The following PPP1R12C variants were observed in gnomAD, a reference collection of about 807,000 sequenced individuals.
PPP1R12C encodes the protein protein phosphatase 1 regulatory subunit 12C.
In PPP1R12C, 48 loss-of-function variants were observed where a neutral mutation model predicts 95.6. That is an observed-to-expected ratio of 0.50 (90% confidence interval 0.40 to 0.64). PPP1R12C has a LOEUF of 0.64. Among genes scored for constraint, PPP1R12C ranks in the 30% least tolerant of loss-of-function variants. The pLI, the probability that PPP1R12C is intolerant of heterozygous loss-of-function variation, is 0.00. For synonymous variants in PPP1R12C, 480 were observed against 460.8 expected (o/e 1.04, Z -0.53); for missense variants, 1,057 against 1,083.3 (o/e 0.98, Z 0.34).
Position 55,094,813 on chromosome 19 carries a change from T to G in PPP1R12C, c.1455-15A>C. The G allele has an allele frequency of 6.3e-7, 1 of 1,579,688 alleles. No homozygotes were observed. The highest frequency in any genetic ancestry group is 8.6e-7 in the Non-Finnish European group (1 of 1,166,210). On this transcript the variant is annotated splice_polypyrimidine_tract_variant and intron_variant, in intron 11 of 21. Coordinates refer to ENST00000263433, the MANE Select transcript of PPP1R12C (RefSeq NM_017607.4). ...TGACCTCAGACCTGCATCAATTCAT[T>G]CATTCCACAAACATTACCCAGGTGC...
chr19:55,106,566 G>A (rs558179964), intron 3 of PPP1R12C, among the ~76,000 whole-genome samples: 1 of 152,188 alleles, frequency 6.6e-6, no homozygotes, highest in Non-Finnish European at 1.5e-5. Flanking sequence ...AATTCCAAGT[G>A]AGCTGGCTTC....
At chr19:55,116,451 A>G (rs1211477641) in intron 1 of PPP1R12C, among the ~76,000 whole-genome samples, 1 of 152,102 alleles carries the variant, frequency 6.6e-6, no homozygotes, top group Admixed American at 6.6e-5. Context: ...GTGGAGGAAG[A>G]CGGAACCTGA....
At chr19:55,106,988 T>C (rs1219974483) in intron 3 of PPP1R12C, among the ~76,000 whole-genome samples, 1 of 151,896 alleles carries the variant, frequency 6.6e-6, no homozygotes, top group African/African-American at 2.4e-5. Flanking sequence ...AGAGAACCTG[T>C]CTAAGAGTGA....
At chr19:55,101,252 T>C (rs1343110007) in intron 4 of PPP1R12C, among the ~76,000 whole-genome samples, 2 of 151,884 alleles carry the variant, frequency 1.3e-5, no homozygotes, top group African/African-American at 4.8e-5. Context: ...ATCTCAAAAG[T>C]AAAAATAAAA....
chr19:55,112,605 AG>A lies in PPP1R12C; in HGVS notation c.453-21del, dbSNP rs2085109816. On this transcript the variant is annotated intron_variant, in intron 2 of 21. Transcript: ENST00000263433. ...AGGTACCTGGGGGTGGGGGCTGGTC[AG>A]GGCTGAGGGTCCAGGCCCCCACCCC... 1 of 1,611,554 alleles carries A rather than the reference AG, an allele frequency of 6.2e-7. No individual in the cohort carries two copies. Among genetic ancestry groups the A allele is most frequent in the African/African-American group, 1.3e-5 (1 of 74,782 alleles).
At chr19:55,108,721 T>G (rs146823760) in intron 3 of PPP1R12C, among the ~76,000 whole-genome samples, 1 of 152,206 alleles carries the variant, frequency 6.6e-6, no homozygotes, top group Non-Finnish European at 1.5e-5. Flanking sequence ...TTGTTTTTTG[T>G]TTTGAGACAC....
chr19:55,112,419 C>T (rs772700061), intron 3 of PPP1R12C, 48 bp downstream of exon 3: 65 of 1,527,538 alleles, frequency 4.3e-5, no homozygotes, highest in African/African-American at 8.4e-5. Context: ...CTGGAGACCA[C>T]GGGTGAGGAG....
chr19:55,113,371 A>G, intron 1 of PPP1R12C: 1 of 1,422,114 alleles, frequency 7.0e-7, no homozygotes, highest in South Asian at 1.4e-5. Flanking sequence ...GGACTCCCAG[A>G]GGGGTGAGAC....
rs772873781 is a variant in PPP1R12C, at chr19:55,095,870, G to C, written c.1224C>G (p.Pro408=). ...ACCTCTCAGGGCATCCACTCACCAC[G>C]GGACTCTTAGGGCTGGGGTGCGGCG... ...SSPPHPSPKS[P]VQLEEAPFSR... Residue 408 remains proline (P), a synonymous_variant, in exon 9 of 22, where the codon CCC becomes CCG. Transcript: ENST00000263433. 7 of 1,613,520 alleles carry C rather than the reference G, an allele frequency of 4.3e-6. No homozygotes were observed. Among genetic ancestry groups the C allele is most frequent in the East Asian group, 4.5e-5 (2 of 44,876 alleles).
chr19:55,112,624 C>T, intron 2 of PPP1R12C, 39 bp from the exon 3 acceptor site: 2 of 1,612,314 alleles, frequency 1.2e-6, no homozygotes, highest in South Asian at 1.1e-5. Flanking sequence ...GGTCCAGGCC[C>T]CCACCCCGAC....
intron 4 of PPP1R12C, among the ~76,000 whole-genome samples, chr19:55,100,991 T>G (rs1052716091): frequency 3.9e-5 from 6 of 152,130 alleles, no homozygotes; most frequent in Admixed American, 3.9e-4. Context: ...GGCTCATGCC[T>G]ATAATCCAGC....
In PPP1R12C at chr19:55,096,306, G is replaced by A; in HGVS notation, c.981C>T (p.Ser327=). The part of the protein sequence containing the change: ...DLRNQKEASQ[S]RGQEPQAPSS... ...AGGGCGCTTGGGGCTCCTGGCCCCGGCTCTGGGAAGCTTCTTTTTGGTTCC... is the reference window on the plus strand; with the variant it reads ...AGGGCGCTTGGGGCTCCTGGCCCCGACTCTGGGAAGCTTCTTTTTGGTTCC... The change falls in exon 7 of 22, where the codon AGC becomes AGT. Residue 327 remains serine (S), a synonymous_variant. Coordinates refer to ENST00000263433, the MANE Select transcript of PPP1R12C (RefSeq NM_017607.4). The A allele has an allele frequency of 6.2e-7, 1 of 1,613,694 alleles. No individual in the cohort carries two copies. Among genetic ancestry groups the A allele is most frequent in the Non-Finnish European group, 8.5e-7 (1 of 1,179,918 alleles).
In PPP1R12C at chr19:55,112,095, C is replaced by T. The variant is rs111948319; in HGVS notation, c.571+372G>A. 2.5e-5 allele frequency: 5 copies of T among 198,838 alleles called. No individual in the cohort carries two copies. In the East Asian group the frequency reaches 5.1e-4, roughly 20 times the overall value. The allele number at this position is 198,838 out of a possible 1,614,324, so 12.3% of individuals were successfully genotyped here. A position where few individuals can be genotyped will look rare whatever the true frequency, so the allele number is the denominator to read the frequency against. On this transcript the variant is annotated intron_variant, in intron 3 of 21. Transcript: ENST00000263433. ...AACCCCTGCATGCCCCTACTCCCCCCCAAGTAAACGCATCCCCTCCCAGAA... is the reference window on the plus strand; with the variant it reads ...AACCCCTGCATGCCCCTACTCCCCCTCAAGTAAACGCATCCCCTCCCAGAA...
intron 3 of PPP1R12C, among the ~76,000 whole-genome samples, chr19:55,108,301 A>G (rs1156381157): frequency 6.6e-6 from 1 of 151,766 alleles, no homozygotes; most frequent in Non-Finnish European, 1.5e-5. Context: ...TGTGCAACCA[A>G]TCTCCAGAAT....
intron 1 of PPP1R12C, 150 bp downstream of exon 1, chr19:55,117,073 G>T: frequency 1.6e-6 from 1 of 612,484 alleles, no homozygotes; most frequent in Non-Finnish European, 2.3e-6. Flanking sequence ...TGGTAAGGGG[G>T]ACTGGGACGG....
rs140226007 is a variant in PPP1R12C at position 55,092,300 on chromosome 19, G to A, written c.2082C>T (p.Asn694=). The A allele has an allele frequency of 6.2e-6, 10 of 1,600,664 alleles. No individual in the cohort carries two copies. In the South Asian group the frequency reaches 6.7e-5, roughly 11 times the overall value. The change falls in exon 19 of 22, where the codon AAC becomes AAT. Residue 694 remains asparagine, a synonymous_variant. Coordinates refer to ENST00000263433, the MANE Select transcript of PPP1R12C (RefSeq NM_017607.4). ...RTLYAELRRE[N]ERLREALTET... ...CGGTCAGGGCCTCGCGAAGCCGCTC[G>A]TTCTCCCTGCGCAGCTCTGCATACA... is the stretch of plus-strand genomic sequence containing the variant.
intron 4 of PPP1R12C, among the ~76,000 whole-genome samples, chr19:55,102,882 C>T (rs1265080353): frequency 6.6e-6 from 1 of 152,168 alleles, no homozygotes; most frequent in African/African-American, 2.4e-5. Context: ...AAAATAGTAA[C>T]AAAATGATGA....
Position 55,091,984 on chromosome 19 carries a change from G to C in PPP1R12C, c.2161-75C>G, listed in dbSNP as rs545031004. 1.2e-5 allele frequency: 19 copies of C among 1,563,188 alleles called. No individual in the cohort carries two copies. In the South Asian group the frequency reaches 2.0e-4, roughly 16 times the overall value. On this transcript the variant is annotated intron_variant, in intron 19 of 21. Coordinates refer to ENST00000263433, the MANE Select transcript of PPP1R12C (RefSeq NM_017607.4). ...CTCTGAAGGGTCCTAGGCTCCTGCT[G>C]GGCACCCGCCCGCCCACTAGGCAGC...
intron 3 of PPP1R12C, among the ~76,000 whole-genome samples, chr19:55,108,689 GTGTTTTTTGTTTTGTCTTGTTT>G (rs937949881): frequency 6.6e-6 from 1 of 152,162 alleles, no homozygotes; most frequent in South Asian, 2.1e-4. Context: ...TCTACATTGT[GTGTTTTTTGTTTTGTCTTGTTT>G]TGTTTTTTGT....
Sources: gnomAD v4.1 joint callset for allele counts (sites outside exome capture counted in the v4.1 genomes callset) on GRCh38, gnomAD v4.1.1 for gene constraint, MANE v1.5 for transcripts, NCBI Gene and HGNC (gene_info 2026-07-23, HGNC 2026-07-21) for gene names.